Variants in GRB14 observed in about 807,000 individuals in gnomAD.
The protein encoded by GRB14 is growth factor receptor bound protein 14.
A neutral mutation model predicts 69.1 loss-of-function variants in GRB14; 38 were observed. That is an observed-to-expected ratio of 0.55 (90% confidence interval 0.42 to 0.72). The LOEUF is 0.72. GRB14 is among the 30% of genes least tolerant of loss of function. The pLI is 0.00. For synonymous variants in GRB14, 247 were observed against 241.3 expected (o/e 1.02, Z -0.22); for missense variants, 666 against 666.1 (o/e 1.00, Z 0.00).
At chr2:164,561,887 T>C (rs1189155557) in intron 2 of GRB14, among the ~76,000 whole-genome samples, 1 of 152,180 alleles carries the variant, frequency 6.6e-6, no homozygotes, top group African/African-American at 2.4e-5. Flanking sequence ...AATTGCCCAC[T>C]GCAGCAAGTT....
At chr2:164,579,731 G>A (rs1275234550) in intron 2 of GRB14, among the ~76,000 whole-genome samples, 1 of 151,982 alleles carries the variant, frequency 6.6e-6, no homozygotes, top group Non-Finnish European at 1.5e-5. Context: ...TGATGTTGAA[G>A]AAAATGACCT....
chr2:164,602,809 T>A (rs149581184), intron 2 of GRB14, among the ~76,000 whole-genome samples: 230 of 152,278 alleles, frequency 1.5e-3, no homozygotes, highest in African/African-American at 5.2e-3. Context: ...TGGTAGATTA[T>A]CCCTAAGCAG....
In GRB14 at chr2:164,621,265, C is replaced by A; in HGVS notation, c.45G>T (p.Ala15=). ...LQDGQSAASR[A]AARDSPLAAQ... is the part of the protein sequence containing the mutation. ...CGGCCAGCGGCGAATCCCGGGCAGC[C>A]GCCCTGCTCGCGGCGCTCTGCCCAT... Residue 15 remains alanine (A), a synonymous_variant, in exon 1 of 14, where the codon GCG becomes GCT. Transcript: ENST00000263915. The surrounding 1 kb of genome is among the most constrained non-coding windows in gnomAD (Gnocchi z 6.0). 1 of 1,282,010 alleles carries A rather than the reference C, an allele frequency of 7.8e-7. No homozygotes were observed. Among genetic ancestry groups the A allele is most frequent in the East Asian group, 2.9e-5 (1 of 34,750 alleles). The allele number at this position is 1,282,010 out of a possible 1,614,324, so 79.4% of individuals were successfully genotyped here. A position where few individuals can be genotyped will look rare whatever the true frequency, so the allele number is the denominator to read the frequency against.
In GRB14 at chr2:164,599,261, A is replaced by G. The variant is rs539272718; in HGVS notation, c.324+20426T>C. Among the ~76,000 whole-genome samples, 3 of 152,126 alleles carry G rather than the reference A, an allele frequency of 2.0e-5. No homozygotes were observed. In the East Asian group the frequency reaches 5.8e-4, roughly 29 times the overall value. On this transcript the variant is annotated intron_variant, in intron 2 of 13. Coordinates refer to ENST00000263915, the MANE Select transcript of GRB14 (RefSeq NM_004490.3). ...GAAACAGGAAATGGAATCAAAGCCAATCAAAGCCTTGGACCAGAAATGGTC... is the reference window on the plus strand; with the variant it reads ...GAAACAGGAAATGGAATCAAAGCCAGTCAAAGCCTTGGACCAGAAATGGTC...
chr2:164,562,113 G>C (rs1382447586), intron 2 of GRB14, among the ~76,000 whole-genome samples: 1 of 152,154 alleles, frequency 6.6e-6, no homozygotes, highest in African/African-American at 2.4e-5. Context: ...TATGTGCTGG[G>C]CATTGGGGTT....
chr2:164,527,087 C>T lies in GRB14; in HGVS notation c.530G>A (p.Trp177Ter). The T allele has an allele frequency of 6.3e-7, 1 of 1,586,686 alleles. No homozygotes were observed. The highest frequency in any genetic ancestry group is 8.6e-7 in the Non-Finnish European group (1 of 1,158,898). ...TAGTTTGTTTTCTTCTTCTATCCCC[C>T]AGTTGGATAGCACTTCAATCACCAG... ...HELVIEVLSN[W>*]GIEEENKLYF... Residue 177 changes from tryptophan (W) to a stop codon, truncating the protein, a stop_gained, in exon 4 of 14, where the codon TGG becomes TAG. Coordinates refer to ENST00000263915, the MANE Select transcript of GRB14 (RefSeq NM_004490.3). LOFTEE classifies it high-confidence loss of function.
intron 2 of GRB14, among the ~76,000 whole-genome samples, chr2:164,575,100 C>T (rs905469977): frequency 6.6e-6 from 1 of 152,154 alleles, no homozygotes; most frequent in African/African-American, 2.4e-5. Context: ...AATCTCTCCA[C>T]AGCAACATTC....
chr2:164,527,558 T>C (rs1489380364), intron 3 of GRB14, among the ~76,000 whole-genome samples: 1 of 151,896 alleles, frequency 6.6e-6, no homozygotes, highest in Admixed American at 6.6e-5. Context: ...ACAATTCACC[T>C]CATTAAGAGA....
At chr2:164,580,906 A>T (rs1405082389) in intron 2 of GRB14, among the ~76,000 whole-genome samples, 2 of 152,188 alleles carry the variant, frequency 1.3e-5, no homozygotes, top group Non-Finnish European at 2.9e-5. Context: ...TGTGCTGGAT[A>T]TCTTTATATC....
At chr2:164,612,826 T>A (rs1397858289) in intron 2 of GRB14, among the ~76,000 whole-genome samples, 1 of 152,154 alleles carries the variant, frequency 6.6e-6, no homozygotes, top group Non-Finnish European at 1.5e-5. Context: ...AAAACCCATA[T>A]TGTAGATAAA....
rs149085648 is a variant in GRB14 at position 164,572,462 on chromosome 2, G to C, written c.325-24646C>G. 1.5e-3 allele frequency among the ~76,000 whole-genome samples: 230 copies of C among 152,208 alleles called. 4 individuals are homozygous for C. The East Asian group carries it at 0.04, about 27-fold the overall frequency. ...AAGGATCTCTCCTTTTTATATACAA[G>C]TTATGTCAGAATTGAGAGGTGGGGA... On this transcript the variant is annotated intron_variant, in intron 2 of 13. Coordinates refer to ENST00000263915, the MANE Select transcript of GRB14 (RefSeq NM_004490.3).
Position 164,579,501 on chromosome 2 carries a change from G to GCACACA in GRB14, c.325-31691_325-31686dup, listed in dbSNP as rs61305070. 5.7e-3 allele frequency among the ~76,000 whole-genome samples: 822 copies of GCACACA among 145,084 alleles called. 5 individuals carry two copies. Among genetic ancestry groups the GCACACA allele is most frequent in the East Asian group, 0.031 (145 of 4,712 alleles). On this transcript the variant is annotated intron_variant, in intron 2 of 13. Coordinates refer to ENST00000263915, the MANE Select transcript of GRB14 (RefSeq NM_004490.3). Reference sequence around the variant, plus strand: ...CCTCATTTTATTACAGGGCACACTTGCACACACACACACACACACACACAC... The same window carrying GCACACA: ...CCTCATTTTATTACAGGGCACACTTGCACACACACACACACACACACACACACACAC...
At chr2:164,546,602 G>A (rs1688382862) in intron 3 of GRB14, among the ~76,000 whole-genome samples, 1 of 152,188 alleles carries the variant, frequency 6.6e-6, no homozygotes, top group Admixed American at 6.5e-5. Flanking sequence ...CCACAAGCTT[G>A]TGAAAAACTT....
chr2:164,493,247 A>T, intron 13 of GRB14, 65 bp from the exon 14 acceptor site: 1 of 1,450,726 alleles, frequency 6.9e-7, no homozygotes. Context: ...ATCATATTCG[A>T]TTGCAAACTA....
In GRB14 at chr2:164,585,178, C is replaced by A. The variant is rs1183225427; in HGVS notation, c.324+34509G>T. Among the ~76,000 whole-genome samples the A allele has an allele frequency of 5.3e-5, 7 of 132,006 alleles. No individual in the cohort carries two copies. The South Asian group carries it at 1.7e-3, about 33-fold the overall frequency. 86.6% of individuals were successfully genotyped at this position (132,006 alleles called of 152,430 possible). A position where few individuals can be genotyped will look rare whatever the true frequency, so the allele number is the denominator to read the frequency against. On this transcript the variant is annotated intron_variant, in intron 2 of 13. Coordinates refer to ENST00000263915, the MANE Select transcript of GRB14 (RefSeq NM_004490.3). ...GGCCAGGCTGGTCTCGAACTCCTGA[C>A]CTCAGGTGATCTGCCCACCTTGGAC...
At chr2:164,598,210 G>A (rs1689831037) in intron 2 of GRB14, among the ~76,000 whole-genome samples, 1 of 152,142 alleles carries the variant, frequency 6.6e-6, no homozygotes, top group Non-Finnish European at 1.5e-5. Flanking sequence ...TGATGGGTCC[G>A]TAGATAACAA....
At chr2:164,534,283 C>T (rs1688024807) in intron 3 of GRB14, among the ~76,000 whole-genome samples, 1 of 151,906 alleles carries the variant, frequency 6.6e-6, no homozygotes, top group South Asian at 2.1e-4. Flanking sequence ...TATATATCAC[C>T]ATCCCAATTT....
chr2:164,547,878 T>C (rs955655499), intron 2 of GRB14, 62 bp from the exon 3 acceptor site: 20 of 1,149,296 alleles, frequency 1.7e-5, no homozygotes, highest in Non-Finnish European at 2.5e-5. Context: ...TAATAAATTT[T>C]ATTGTATATA....
At chr2:164,517,041 C>T (rs534803304) in intron 6 of GRB14, among the ~76,000 whole-genome samples, 1 of 152,124 alleles carries the variant, frequency 6.6e-6, no homozygotes, top group East Asian at 1.9e-4. Flanking sequence ...TGTTTTCATG[C>T]TGCTGATAAA....
Sources: gnomAD v4.1 joint callset for allele counts (sites outside exome capture counted in the v4.1 genomes callset) on GRCh38, gnomAD v4.1.1 for gene constraint, Gnocchi (gnomAD v3.1) non-coding constraint, MANE v1.5 for transcripts, NCBI Gene and HGNC (gene_info 2026-07-23, HGNC 2026-07-21) for gene names.